DIPK2A: variants seen among roughly 807,000 people sequenced by gnomAD.
DIPK2A encodes Golgi Protein of 49 kDa.
DIPK2A carries 27 observed loss-of-function variants against 39.0 expected under a neutral mutation model. The ratio of observed to expected loss-of-function variants is 0.69; its 90% CI spans 0.51 to 0.96. The LOEUF (loss-of-function observed/expected upper bound fraction) is 0.96, where lower values mean the gene tolerates loss of function less well. DIPK2A is among the 40% of genes least tolerant of loss of function. DIPK2A has a pLI of 0.00. For synonymous variants in DIPK2A, 298 were observed against 240.8 expected (o/e 1.24, Z -2.20); for missense variants, 528 against 571.3 (o/e 0.92, Z 0.77).
chr3:143,988,543 C>A (rs1040325871), intron 2 of DIPK2A, among the ~76,000 whole-genome samples: 4 of 151,528 alleles, frequency 2.6e-5, no homozygotes, highest in African/African-American at 9.7e-5. Context: ...CCAAAAATGT[C>A]TCTTCCTTCT....
intron 1 of DIPK2A, among the ~76,000 whole-genome samples, chr3:143,983,862 A>G (rs1323197284): frequency 6.6e-6 from 1 of 152,128 alleles, no homozygotes; most frequent in Non-Finnish European, 1.5e-5. Context: ...TTGTATTGGG[A>G]AGGCTGTTTC....
chr3:143,974,051 G>A (rs543254724), intron 1 of DIPK2A, among the ~76,000 whole-genome samples: 1 of 151,858 alleles, frequency 6.6e-6, no homozygotes, highest in South Asian at 2.1e-4. Flanking sequence ...TGACTTAAAA[G>A]TTCACAAGTA....
intron 1 of DIPK2A, 139 bp downstream of exon 1, chr3:143,973,128 C>T (rs1361608860): frequency 2.7e-5 from 34 of 1,236,718 alleles, no homozygotes; most frequent in Non-Finnish European, 3.8e-5. Flanking sequence ...TGGGAAGGGG[C>T]GTCTCCGGGG....
chr3:143,973,253 G>C (rs2087684324), intron 1 of DIPK2A: 1 of 1,203,956 alleles, frequency 8.3e-7, no homozygotes, highest in African/African-American at 1.5e-5. Flanking sequence ...AACGCCAGAG[G>C]GAGTGCGTCT....
In DIPK2A at chr3:143,978,622, CTATATATATATATATATCTATA is replaced by C. The variant is rs1346905170; in HGVS notation, c.657+5649_657+5670del. ...TCTATCTATATATATATATCTATAT[CTATATATATATATATATCTATA>C]TATATATATATATATCTATATATAG... On this transcript the variant is annotated intron_variant, in intron 1 of 2. Transcript: ENST00000315691. The C allele has an allele frequency of 1.5e-4, 18 of 121,682 alleles. No homozygotes were observed. The South Asian group carries it at 1.9e-3, about 13-fold the overall frequency. The allele number at this position is 121,682 out of a possible 1,614,324, so 7.5% of individuals were successfully genotyped here.
intron 1 of DIPK2A, chr3:143,973,769 C>T (rs1302550405): frequency 1.7e-6 from 1 of 594,108 alleles, no homozygotes; most frequent in Non-Finnish European, 3.0e-6. Context: ...GAGATTCTTG[C>T]CTTTCGCCAG....
intron 1 of DIPK2A, among the ~76,000 whole-genome samples, chr3:143,974,427 A>G (rs1390064974): frequency 6.6e-6 from 1 of 152,220 alleles, no homozygotes; most frequent in Non-Finnish European, 1.5e-5. Flanking sequence ...CTTTCCTTGA[A>G]GAAATTTTCT....
intron 1 of DIPK2A, among the ~76,000 whole-genome samples, chr3:143,974,432 T>C (rs2087702374): frequency 6.6e-6 from 1 of 152,212 alleles, no homozygotes; most frequent in Non-Finnish European, 1.5e-5. Context: ...CTTGAAGAAA[T>C]TTTCTTTATT....
intron 1 of DIPK2A, among the ~76,000 whole-genome samples, chr3:143,973,949 C>A (rs1400779853): frequency 1.3e-5 from 2 of 152,100 alleles, no homozygotes; most frequent in Non-Finnish European, 2.9e-5. Flanking sequence ...AGTGCGGTGT[C>A]CTTGAACAGT....
At chr3:143,976,861 C>T (rs573949996) in intron 1 of DIPK2A, among the ~76,000 whole-genome samples, 2 of 152,092 alleles carry the variant, frequency 1.3e-5, no homozygotes, top group South Asian at 2.1e-4. Context: ...ATGCAAAGCA[C>T]TTCACGTAGT....
intron 1 of DIPK2A, among the ~76,000 whole-genome samples, chr3:143,978,934 G>T (rs368715467): frequency 6.6e-6 from 1 of 151,826 alleles, no homozygotes; most frequent in South Asian, 2.1e-4. Context: ...GTAAAATGGG[G>T]TTGTTAATAC....
chr3:143,979,213 T>C (rs76279147), intron 1 of DIPK2A, among the ~76,000 whole-genome samples: 105 of 152,246 alleles, frequency 6.9e-4, no homozygotes, highest in African/African-American at 2.5e-3. Context: ...CTATTCAGGC[T>C]ATAGTTTTTT....
intron 1 of DIPK2A, chr3:143,978,656 A>G (rs376771018): frequency 1.5e-5 from 1 of 65,666 alleles, no homozygotes; most frequent in South Asian, 4.4e-4. Context: ...ATATATATAT[A>G]TATCTATATA....
In DIPK2A at chr3:143,973,235, G is replaced by A. The variant is rs770129886; in HGVS notation, c.657+246G>A. 12 of 1,140,810 alleles carry A rather than the reference G, an allele frequency of 1.1e-5. No individual in the cohort carries two copies. The South Asian group carries it at 1.2e-4, about 11-fold the overall frequency. The allele number at this position is 1,140,810 out of a possible 1,614,324, so 70.7% of individuals were successfully genotyped here. On this transcript the variant is annotated intron_variant, in intron 1 of 2. Transcript: ENST00000315691. ...CGGGCGCATTTCGGATTTGACTGTG[G>A]ATCTTTCAACGCCAGAGGGAGTGCG... is the stretch of plus-strand genomic sequence containing the variant.
intron 1 of DIPK2A, among the ~76,000 whole-genome samples, chr3:143,984,923 T>C (rs1013440872): frequency 1.3e-5 from 2 of 152,164 alleles, no homozygotes; most frequent in Admixed American, 1.3e-4. Flanking sequence ...CAAGAATCTT[T>C]CCCTGAATTC....
Position 143,989,543 on chromosome 3 carries a change from G to A in DIPK2A, c.995G>A (p.Ser332Asn). The A allele has an allele frequency of 6.2e-7, 1 of 1,613,810 alleles. No individual in the cohort carries two copies. The highest frequency in any genetic ancestry group is 8.5e-7 in the Non-Finnish European group (1 of 1,179,738). ...KPENWDVWYE[S>N]KFDDCDKEAC... ...GAAAATTGGGATGTATGGTATGAAA[G>A]CAAGTTTGATGACTGTGATAAGGAG... The change falls in exon 3 of 3, where the codon AGC becomes AAC. Residue 332 changes from serine to asparagine, a missense_variant. Ser to Asn is a conservative substitution (Grantham distance 46). Coordinates refer to ENST00000315691, the MANE Select transcript of DIPK2A (RefSeq NM_173552.5).
At chr3:143,983,261 C>A (rs1002728558) in intron 1 of DIPK2A, among the ~76,000 whole-genome samples, 1 of 152,210 alleles carries the variant, frequency 6.6e-6, no homozygotes, top group African/African-American at 2.4e-5. Context: ...CCCAAATCAA[C>A]AGAATACACA....
chr3:143,989,054 G>C (rs6770317), intron 2 of DIPK2A, among the ~76,000 whole-genome samples: 85,608 of 152,120 alleles, frequency 0.56, 26,586 homozygotes, highest in African/African-American at 0.85. Flanking sequence ...ACCAAATGGA[G>C]CAATCCCTTA....
rs1371680109 is a variant in DIPK2A at position 143,990,234 on chromosome 3, T to A, written c.*393T>A. The A allele has an allele frequency of 1.9e-5, 3 of 159,374 alleles. No homozygotes were observed. Among genetic ancestry groups the A allele is most frequent in the African/African-American group, 7.2e-5 (3 of 41,636 alleles). The allele number at this position is 159,374 out of a possible 1,614,324, so 9.9% of individuals were successfully genotyped here. ...GTGAATCTCTTGCATTTACTTTGAA[T>A]GTCAAGTCAGATTGGTCTGTTTTAT... On this transcript the variant is annotated 3_prime_UTR_variant, in exon 3 of 3. Coordinates refer to ENST00000315691, the MANE Select transcript of DIPK2A (RefSeq NM_173552.5).
Sources: allele counts gnomAD v4.1 joint callset (sites outside exome capture counted in the v4.1 genomes callset), GRCh38; gene constraint gnomAD v4.1.1; transcripts MANE v1.5; gene names NCBI Gene and HGNC (gene_info 2026-07-23, HGNC 2026-07-21).